SYT14: variants seen among roughly 807,000 people sequenced by gnomAD.
SYT14 encodes synaptotagmin 14.
In SYT14, 32 loss-of-function variants were observed where a neutral mutation model predicts 74.2. The ratio of observed to expected loss-of-function variants is 0.43; its 90% CI spans 0.33 to 0.58. The LOEUF (loss-of-function observed/expected upper bound fraction) is 0.58, where lower values mean the gene tolerates loss of function less well. SYT14 is among the 20% of genes least tolerant of loss of function. The pLI is 0.05. For synonymous variants in SYT14, 298 were observed against 337.7 expected (o/e 0.88, Z 1.29); for missense variants, 791 against 981.8 (o/e 0.81, Z 2.60).
intron 5 of SYT14, among the ~76,000 whole-genome samples, chr1:210,051,740 T>A (rs535436386): frequency 6.0e-4 from 91 of 151,986 alleles, no homozygotes; most frequent in African/African-American, 2.1e-3. Flanking sequence ...TCCTTCTTTT[T>A]TACATCTGCA....
At chr1:210,031,015 C>G in intron 5 of SYT14, among the ~76,000 whole-genome samples, 1 of 151,848 alleles carries the variant, frequency 6.6e-6, no homozygotes, top group East Asian at 1.9e-4. Context: ...CAACCTTGAC[C>G]TCCTGGGCTC....
At chr1:210,025,112 A>T (rs2080382632) in intron 5 of SYT14, among the ~76,000 whole-genome samples, 1 of 152,226 alleles carries the variant, frequency 6.6e-6, no homozygotes, top group East Asian at 1.9e-4. Flanking sequence ...TTTGTAACCC[A>T]ACTGTTCACC....
chr1:209,978,310 T>C (rs1315355382), intron 2 of SYT14, among the ~76,000 whole-genome samples: 1 of 152,206 alleles, frequency 6.6e-6, no homozygotes, highest in Non-Finnish European at 1.5e-5. Context: ...GTTTTTCTGC[T>C]CTGTTTTTTC....
intron 5 of SYT14, among the ~76,000 whole-genome samples, chr1:210,032,787 ATTAAT>A (rs962124419): frequency 6.6e-6 from 1 of 151,914 alleles, no homozygotes; most frequent in Non-Finnish European, 1.5e-5. Flanking sequence ...TTAGAAACTG[ATTAAT>A]TTAGCTATAC....
chr1:210,160,900 G>A (rs751630321), exon 10 of SYT14: 11 of 1,613,832 alleles, frequency 6.8e-6, no homozygotes, highest in Admixed American at 3.3e-5. Flanking sequence ...TATAACAAAC[G>A]CAGCATGAAA....
At chr1:210,059,447 T>G (rs373356506) in intron 5 of SYT14, among the ~76,000 whole-genome samples, 8,731 of 93,308 alleles carry the variant, frequency 0.094, 399 homozygotes, top group Middle Eastern at 0.13. Context: ...TATATATATA[T>G]ATATAGAGAG....
intron 5 of SYT14, among the ~76,000 whole-genome samples, chr1:210,078,090 C>G (rs2102469383): frequency 6.6e-6 from 1 of 152,094 alleles, no homozygotes; most frequent in South Asian, 2.1e-4. Context: ...GCGGGCGGAT[C>G]ACGAGGTCAA....
In SYT14 at chr1:209,975,122, T is replaced by G. The variant is rs1234223971; in HGVS notation, c.-486+22366T>G. On this transcript the variant is annotated intron_variant, in intron 2 of 9. Coordinates refer to ENST00000637265, the Ensembl canonical transcript of SYT14. ...TTAAGGAGATTTTGGGCTGAGACAG[T>G]GGGGTTTTCTAGATATACAATCACG... Among the ~76,000 whole-genome samples the G allele has an allele frequency of 2.6e-5, 4 of 152,144 alleles. 1 individual carries two copies. Among genetic ancestry groups the G allele is most frequent in the African/African-American group, 9.7e-5 (4 of 41,438 alleles).
rs1047520715 is a variant in SYT14 at position 209,942,362 on chromosome 1, C to A, written c.-534+4085C>A. 4.2e-3 allele frequency among the ~76,000 whole-genome samples: 91 copies of A among 21,704 alleles called. 4 individuals carry two copies. The highest frequency in any genetic ancestry group is 6.8e-3 in the African/African-American group (84 of 12,348). The allele number at this position is 21,704 out of a possible 152,430, so 14.2% of individuals were successfully genotyped here. On this transcript the variant is annotated intron_variant, in intron 1 of 9. Transcript: ENST00000637265. ...AAATCCAGCCTCCATGCAAATTTAC[C>A]CCCCCCCCCCCGCTCTGTTGTGCAG... is the stretch of plus-strand genomic sequence containing the variant.
chr1:210,078,309 C>CAAAAAA (rs59924487), intron 5 of SYT14, among the ~76,000 whole-genome samples: 2 of 72,060 alleles, frequency 2.8e-5, no homozygotes, highest in African/African-American at 1.1e-4. Flanking sequence ...GACTCCGTCT[C>CAAAAAA]AAAAAAAAAA....
At chr1:210,116,404 T>C (rs2082362299) in intron 7 of SYT14, among the ~76,000 whole-genome samples, 1 of 152,216 alleles carries the variant, frequency 6.6e-6, no homozygotes, top group Non-Finnish European at 1.5e-5. Context: ...AGTGGCACAA[T>C]CTCAGCTCAC....
chr1:210,089,921 T>A (rs1488998384), intron 5 of SYT14, among the ~76,000 whole-genome samples: 1 of 152,246 alleles, frequency 6.6e-6, no homozygotes, highest in African/African-American at 2.4e-5. Flanking sequence ...CAGAATTTTC[T>A]GGGATTTAAA....
At chr1:209,971,554 T>C (rs1453116705) in intron 2 of SYT14, among the ~76,000 whole-genome samples, 2 of 152,204 alleles carry the variant, frequency 1.3e-5, no homozygotes, top group Admixed American at 1.3e-4. Context: ...TTGAGGTATG[T>C]TCCTTTTGCT....
At chr1:210,107,782 T>A (rs2082185891) in intron 7 of SYT14, among the ~76,000 whole-genome samples, 1 of 152,212 alleles carries the variant, frequency 6.6e-6, no homozygotes, top group Admixed American at 6.5e-5. Flanking sequence ...TAAAAGTATT[T>A]CTATTCCTTT....
chr1:210,075,243 C>T (rs771752270), intron 5 of SYT14, among the ~76,000 whole-genome samples: 13 of 152,178 alleles, frequency 8.5e-5, no homozygotes, highest in African/African-American at 1.2e-4. Context: ...GTGCTCCCCT[C>T]GATGTCCTCT....
At chr1:209,974,637 A>G (rs1405943375) in intron 2 of SYT14, among the ~76,000 whole-genome samples, 3 of 151,990 alleles carry the variant, frequency 2.0e-5, no homozygotes, top group Admixed American at 6.6e-5. Context: ...GTTTGAAGTC[A>G]GGTAGCGTGA....
rs576190623 is a variant in SYT14, at chr1:210,151,500, G to A, written c.2035-4221G>A. Among the ~76,000 whole-genome samples, 74 of 123,744 alleles carry A rather than the reference G, an allele frequency of 6.0e-4. 3 individuals carry two copies. The East Asian group carries it at 0.018, about 30-fold the overall frequency. 81.2% of individuals were successfully genotyped at this position (123,744 alleles called of 152,430 possible). On this transcript the variant is annotated intron_variant, in intron 7 of 9. Transcript: ENST00000637265. The stretch of plus-strand genomic sequence containing the variant: ...CTCCCAAGTAGCTGAAATTATAGGC[G>A]AATGCCCCCCCCCTTTTTTTTTTTT...
intron 3 of SYT14, among the ~76,000 whole-genome samples, chr1:210,014,212 A>G (rs748776239): frequency 6.6e-6 from 1 of 152,032 alleles, no homozygotes; most frequent in Non-Finnish European, 1.5e-5. Flanking sequence ...CCTGCTATTT[A>G]ATTTTCAGCT....
exon 10 of SYT14, chr1:210,165,839 G>A (rs1420804952): frequency 6.6e-6 from 1 of 152,148 alleles, no homozygotes; most frequent in Non-Finnish European, 1.5e-5. Context: ...TATTACATGA[G>A]TCTTAGTTTT....
Sources: allele counts gnomAD v4.1 joint callset (sites outside exome capture counted in the v4.1 genomes callset), GRCh38; gene constraint gnomAD v4.1.1; transcripts MANE v1.5; gene names NCBI Gene and HGNC (gene_info 2026-07-23, HGNC 2026-07-21).